EGFLAM: variants seen among roughly 807,000 people sequenced by gnomAD.
EGFLAM encodes the protein pikachurin.
Under a neutral mutation model 113.1 loss-of-function variants are expected in EGFLAM, and 79 were observed. That is an observed-to-expected ratio of 0.70 (90% confidence interval 0.58 to 0.84). EGFLAM has a LOEUF of 0.84. Among genes scored for constraint, EGFLAM ranks in the 40% least tolerant of loss-of-function variants. EGFLAM has a pLI of 0.00. For missense variants in EGFLAM, 1,265 were observed against 1,291.6 expected (o/e 0.98, Z 0.32); for synonymous variants, 504 against 487.6 (o/e 1.03, Z -0.44).
At chr5:38,302,708 TCAA>T (rs1758620667) in intron 1 of EGFLAM, among the ~76,000 whole-genome samples, 1 of 75,012 alleles carries the variant, frequency 1.3e-5, no homozygotes, top group Admixed American at 1.3e-4. Context: ...TGTCTGAGAA[TCAA>T]AAAAAAAAAA....
chr5:38,391,060 T>C (rs10057550), intron 6 of EGFLAM, among the ~76,000 whole-genome samples: 37,047 of 152,016 alleles, frequency 0.24, 4,842 homozygotes, highest in African/African-American at 0.33. Context: ...AAACAACTTC[T>C]TTTTTCCAAG....
At chr5:38,289,862 TAA>T (rs1758269273) in intron 1 of EGFLAM, among the ~76,000 whole-genome samples, 1 of 152,188 alleles carries the variant, frequency 6.6e-6, no homozygotes, top group Non-Finnish European at 1.5e-5. Context: ...CTCCATTACT[TAA>T]AGTCTTTTGG....
chr5:38,328,723 G>GTTTTTTTTTTTTTTTTTTTTTTTTTTTTT (rs3077265), intron 1 of EGFLAM, among the ~76,000 whole-genome samples: 3 of 103,028 alleles, frequency 2.9e-5, no homozygotes, highest in Admixed American at 1.1e-4. Flanking sequence ...AGCTATACTT[G>GTTTTTTTTTTTTTTTTTTTTTTTTTTTTT]TTTTTTTTTT....
At chr5:38,357,178 C>G (rs1195494837) in intron 5 of EGFLAM, among the ~76,000 whole-genome samples, 1 of 152,138 alleles carries the variant, frequency 6.6e-6, no homozygotes, top group Non-Finnish European at 1.5e-5. Flanking sequence ...ATCACTTGAG[C>G]TTGGGAGATC....
chr5:38,362,828 G>C (rs574697815), intron 5 of EGFLAM, among the ~76,000 whole-genome samples: 74 of 152,308 alleles, frequency 4.9e-4, no homozygotes, highest in African/African-American at 1.5e-3. Flanking sequence ...CCGACCTGTA[G>C]TTCGGCAAAT....
chr5:38,302,201 C>T (rs1172091451), intron 1 of EGFLAM, among the ~76,000 whole-genome samples: 2 of 148,972 alleles, frequency 1.3e-5, no homozygotes, highest in Non-Finnish European at 3.0e-5. Context: ...AGTGCCATTG[C>T]ACTCCGGCCT....
chr5:38,299,703 G>T (rs562300046), intron 1 of EGFLAM, among the ~76,000 whole-genome samples: 2 of 152,116 alleles, frequency 1.3e-5, no homozygotes, highest in East Asian at 3.9e-4. Flanking sequence ...GCAAGATCTG[G>T]TTGCTTAAAA....
chr5:38,301,269 A>G (rs374848708), intron 1 of EGFLAM, among the ~76,000 whole-genome samples: 2 of 152,310 alleles, frequency 1.3e-5, no homozygotes, highest in South Asian at 4.1e-4. Flanking sequence ...AGGGTTTCCC[A>G]AGGAAACCTG....
At chr5:38,262,528 C>G (rs1308414902) in intron 1 of EGFLAM, among the ~76,000 whole-genome samples, 1 of 152,162 alleles carries the variant, frequency 6.6e-6, no homozygotes, top group African/African-American at 2.4e-5. Context: ...TCCCTCCCAG[C>G]CCCTGGTAAT....
intron 1 of EGFLAM, 83 bp from the exon 2 acceptor site, chr5:38,337,437 T>C (rs926340574): frequency 1.6e-6 from 2 of 1,222,238 alleles, no homozygotes; most frequent in South Asian, 3.0e-5. Flanking sequence ...ATCTGTTAGA[T>C]AATGCACTCT....
chr5:38,453,650 G>C (rs1336446285), intron 19 of EGFLAM, among the ~76,000 whole-genome samples: 1 of 151,976 alleles, frequency 6.6e-6, no homozygotes, highest in Non-Finnish European at 1.5e-5. Flanking sequence ...GGTTGAACAC[G>C]GAGCTCTTCA....
At chr5:38,412,739 C>A in intron 11 of EGFLAM, 91 bp downstream of exon 11, 1 of 1,498,548 alleles carries the variant, frequency 6.7e-7, no homozygotes, top group South Asian at 1.3e-5. Flanking sequence ...GTGGCAGAGT[C>A]TGCAGGATTC....
chr5:38,357,925 C>T (rs2451006), intron 5 of EGFLAM, among the ~76,000 whole-genome samples: 12,346 of 144,238 alleles, frequency 0.086, 590 homozygotes, highest in East Asian at 0.13. Flanking sequence ...TGTAGTGGCA[C>T]GATCTTGGCT....
At chr5:38,414,074 G>A (rs1254076793) in intron 11 of EGFLAM, among the ~76,000 whole-genome samples, 1 of 152,186 alleles carries the variant, frequency 6.6e-6, no homozygotes, top group Admixed American at 6.5e-5. Context: ...TGGGTCCATG[G>A]CCCAGGGGTT....
chr5:38,313,981 C>T (rs997748157), intron 1 of EGFLAM, among the ~76,000 whole-genome samples: 2 of 152,046 alleles, frequency 1.3e-5, no homozygotes, highest in Non-Finnish European at 1.5e-5. Flanking sequence ...CAGAAAGAAA[C>T]GTTTTAAAAA....
chr5:38,291,527 C>T (rs1758332040), intron 1 of EGFLAM, among the ~76,000 whole-genome samples: 1 of 152,212 alleles, frequency 6.6e-6, no homozygotes, highest in African/African-American at 2.4e-5. Flanking sequence ...CAATTTGCAG[C>T]AGGTTCCTCT....
At chr5:38,385,820 A>G (rs1230327597) in intron 6 of EGFLAM, among the ~76,000 whole-genome samples, 2 of 152,352 alleles carry the variant, frequency 1.3e-5, no homozygotes, top group East Asian at 1.9e-4. Context: ...TTGCTTAACA[A>G]CAGGGATACA....
intron 1 of EGFLAM, among the ~76,000 whole-genome samples, chr5:38,274,504 A>G (rs1433989657): frequency 6.6e-6 from 1 of 152,214 alleles, no homozygotes; most frequent in Non-Finnish European, 1.5e-5. Context: ...GCCTAACAGC[A>G]GACTTCTCAG....
chr5:38,447,342 G>A (rs1299207928), intron 17 of EGFLAM, among the ~76,000 whole-genome samples: 1 of 152,152 alleles, frequency 6.6e-6, no homozygotes, highest in Non-Finnish European at 1.5e-5. Flanking sequence ...TCTTAACTAC[G>A]TGATCTCAGG....
Sources: gnomAD v4.1 joint callset for allele counts (sites outside exome capture counted in the v4.1 genomes callset) on GRCh38, gnomAD v4.1.1 for gene constraint, MANE v1.5 for transcripts, NCBI Gene and HGNC (gene_info 2026-07-23, HGNC 2026-07-21) for gene names.